The following MYO7B variants were observed in gnomAD, a reference collection of about 807,000 sequenced individuals.
MYO7B encodes myosin VIIB.
A neutral mutation model predicts 259.7 loss-of-function variants in MYO7B; 212 were observed. That is an observed-to-expected ratio of 0.82 (90% confidence interval 0.73 to 0.91). The LOEUF is 0.91. MYO7B is among the 40% of genes least tolerant of loss of function. MYO7B has a pLI of 0.00. For synonymous variants in MYO7B, 1,197 were observed against 1,166.4 expected (o/e 1.03, Z -0.54); for missense variants, 2,732 against 2,813.5 (o/e 0.97, Z 0.66).
chr2:127,599,811 C>T lies in MYO7B; in HGVS notation c.2339+3255C>T, dbSNP rs140914070. Reference sequence around the variant, plus strand: ...TTTAGCCTTTCAATGTGGTGAGTTACGTTTACTGATTTTTAAATATTGAAC... The same window carrying T: ...TTTAGCCTTTCAATGTGGTGAGTTATGTTTACTGATTTTTAAATATTGAAC... On this transcript the variant is annotated intron_variant, in intron 19 of 47. Transcript: ENST00000409816. 2.1e-4 allele frequency among the ~76,000 whole-genome samples: 32 copies of T among 152,200 alleles called. No homozygotes were observed. The East Asian group carries it at 5.4e-3, about 26-fold the overall frequency.
intron 1 of MYO7B, among the ~76,000 whole-genome samples, chr2:127,551,966 G>A (rs1229013402): frequency 6.6e-6 from 1 of 152,166 alleles, no homozygotes; most frequent in Non-Finnish European, 1.5e-5. Context: ...TCTGTAAGGG[G>A]GTGGAATACA....
intron 7 of MYO7B, among the ~76,000 whole-genome samples, chr2:127,575,336 G>T (rs982053140): frequency 1.4e-5 from 2 of 148,124 alleles, no homozygotes; most frequent in South Asian, 2.1e-4. Context: ...TCTTGATATA[G>T]TGGTTGCTGA....
At position 127,584,411 on chromosome 2, in the gene MYO7B, G is replaced by T. The variant is rs747194788; in HGVS notation, c.1554+79G>T. ...CTTGGAGGCTGGGAAACTCCATTTGGGTGGGCCACTTGTTCTGAGAGTCAC... is the reference window on the plus strand; with the variant it reads ...CTTGGAGGCTGGGAAACTCCATTTGTGTGGGCCACTTGTTCTGAGAGTCAC... On this transcript the variant is annotated intron_variant, in intron 13 of 47. Transcript: ENST00000409816. This position sits in a 1 kb window ranked among gnomAD's most constrained non-coding sequence, Gnocchi z 5.8. 2 of 1,462,830 alleles carry T rather than the reference G, an allele frequency of 1.4e-6. No individual in the cohort carries two copies. The highest frequency in any genetic ancestry group is 1.9e-6 in the Non-Finnish European group (2 of 1,059,160). The allele number at this position is 1,462,830 out of a possible 1,614,324, so 90.6% of individuals were successfully genotyped here.
At chr2:127,557,239 TC>T (rs1439744373) in intron 1 of MYO7B, among the ~76,000 whole-genome samples, 1 of 152,172 alleles carries the variant, frequency 6.6e-6, no homozygotes, top group Non-Finnish European at 1.5e-5. Context: ...GTCCCTTGTT[TC>T]CTGAAGTTGC....
intron 18 of MYO7B, among the ~76,000 whole-genome samples, chr2:127,594,178 T>C (rs1321036400): frequency 6.6e-6 from 1 of 152,182 alleles, no homozygotes; most frequent in Admixed American, 6.5e-5. Context: ...TCCCCCAAAA[T>C]GCACAGGGAG....
rs1413052750 is a variant in MYO7B at position 127,631,169 on chromosome 2, C to T, written c.4938-37C>T. ...CAGAGAAGCGTGGGACAGAGAAGGC[C>T]ACAGGGCAGGCCTCACACCAGCCTC... On this transcript the variant is annotated intron_variant, in intron 36 of 47. Coordinates refer to ENST00000409816, the MANE Select transcript of MYO7B (RefSeq NM_001393586.1). 4.5e-6 allele frequency: 7 copies of T among 1,552,106 alleles called. No homozygotes were observed. In the East Asian group the frequency reaches 9.2e-5, roughly 20 times the overall value.
intron 16 of MYO7B, 81 bp from the exon 17 acceptor site, chr2:127,592,713 T>C: frequency 6.6e-7 from 1 of 1,512,488 alleles, no homozygotes; most frequent in East Asian, 2.5e-5. Flanking sequence ...TGTGGGCCCG[T>C]GCCCGGTGGT....
chr2:127,622,760 C>T (rs1680902686), intron 28 of MYO7B, among the ~76,000 whole-genome samples: 1 of 152,242 alleles, frequency 6.6e-6, no homozygotes, highest in Non-Finnish European at 1.5e-5. Flanking sequence ...TGTAGGTGAA[C>T]TTGCAGTAGC....
rs535413180 is a variant in MYO7B at position 127,572,333 on chromosome 2, C to T, written c.593-1587C>T. 8.7e-5 allele frequency among the ~76,000 whole-genome samples: 13 copies of T among 149,914 alleles called. No individual in the cohort carries two copies. The East Asian group carries it at 2.0e-3, about 24-fold the overall frequency. ...ACTCGGGATGCTGTGGCAGGAGAAT[C>T]GCTTGAACGCAGGAGGCAAAGTTTG... On this transcript the variant is annotated intron_variant, in intron 6 of 47. Coordinates refer to ENST00000409816, the MANE Select transcript of MYO7B (RefSeq NM_001393586.1).
Position 127,633,241 on chromosome 2 carries a change from C to G in MYO7B, c.5406-17C>G. 6.3e-7 allele frequency: 1 copy of G among 1,593,458 alleles called. No individual in the cohort carries two copies. Among genetic ancestry groups the G allele is most frequent in the South Asian group, 1.1e-5 (1 of 88,406 alleles). ...GAGGGTGGGGGTGGCACCTGCAGCACACGCTGTCCCCCTCAGGACGGGGCC... is the reference window on the plus strand; with the variant it reads ...GAGGGTGGGGGTGGCACCTGCAGCAGACGCTGTCCCCCTCAGGACGGGGCC... On this transcript the variant is annotated splice_polypyrimidine_tract_variant and intron_variant, in intron 39 of 47. Transcript: ENST00000409816.
At chr2:127,592,567 C>T (rs750765838) in intron 16 of MYO7B, among the ~76,000 whole-genome samples, 1 of 150,396 alleles carries the variant, frequency 6.6e-6, no homozygotes, top group African/African-American at 2.5e-5. Context: ...TCCTTGACAA[C>T]ATTACGGGTT....
rs1680279063 is a variant in MYO7B at position 127,609,213 on chromosome 2, G to A, written c.2815-293G>A. Among the ~76,000 whole-genome samples, 1 of 152,050 alleles carries A rather than the reference G, an allele frequency of 6.6e-6. No individual in the cohort carries two copies. The highest frequency in any genetic ancestry group is 1.5e-5 in the Non-Finnish European group (1 of 67,986). On this transcript the variant is annotated intron_variant, in intron 22 of 47. Coordinates refer to ENST00000409816, the MANE Select transcript of MYO7B (RefSeq NM_001393586.1). This position sits in a 1 kb window ranked among gnomAD's most constrained non-coding sequence, Gnocchi z 6.9. ...GGCCGCTGCTCTGCAGTGTGGCTGA[G>A]GAAGCTGCAGTGAGGATGGTGCATG...
At position 127,584,618 on chromosome 2, in the gene MYO7B, A is replaced by G. The variant is rs1396590012; in HGVS notation, c.1555-160A>G. On this transcript the variant is annotated intron_variant, in intron 13 of 47. Coordinates refer to ENST00000409816, the MANE Select transcript of MYO7B (RefSeq NM_001393586.1). The surrounding 1 kb of genome is among the most constrained non-coding windows in gnomAD (Gnocchi z 5.8). The stretch of plus-strand genomic sequence containing the variant: ...TCCCAGCTCAGCCCTCACTCCCTGC[A>G]ACAAGTCACTGACCCCTGGGCATTA... Among the ~76,000 whole-genome samples, 2 of 151,998 alleles carry G rather than the reference A, an allele frequency of 1.3e-5. No homozygotes were observed. Among genetic ancestry groups the G allele is most frequent in the Admixed American group, 1.3e-4 (2 of 15,262 alleles).
chr2:127,621,924 G>A, intron 27 of MYO7B, 58 bp from the exon 28 acceptor site: 2 of 1,550,994 alleles, frequency 1.3e-6, no homozygotes, highest in South Asian at 1.2e-5. Context: ...TGGGTGGTGA[G>A]TAGAAACTGG....
chr2:127,633,000 G>A (rs777411506), intron 39 of MYO7B, among the ~76,000 whole-genome samples: 1 of 152,170 alleles, frequency 6.6e-6, no homozygotes, highest in Non-Finnish European at 1.5e-5. Flanking sequence ...TCCTGCCGGC[G>A]CCTTCCCGGG....
chr2:127,627,421 G>A lies in MYO7B; in HGVS notation c.4460+111G>A, dbSNP rs72843379. On this transcript the variant is annotated intron_variant, in intron 33 of 47. Transcript: ENST00000409816. The surrounding 1 kb of genome is among the most constrained non-coding windows in gnomAD (Gnocchi z 5.6). ...AGTGTGCCGTCCCGGGTAACAGGCC[G>A]GGGTGGAGGGACAAGAATCTACGTA... 60 of 1,432,370 alleles carry A rather than the reference G, an allele frequency of 4.2e-5. 1 individual carries two copies. The highest frequency in any genetic ancestry group is 2.8e-4 in the South Asian group (22 of 79,644). The allele number at this position is 1,432,370 out of a possible 1,614,324, so 88.7% of individuals were successfully genotyped here. A position where few individuals can be genotyped will look rare whatever the true frequency, so the allele number is the denominator to read the frequency against.
chr2:127,588,494 C>A lies in MYO7B; in HGVS notation c.1793C>A (p.Ala598Glu). Residue 598 changes from alanine to glutamate, a missense_variant, in exon 15 of 48, where the codon GCA becomes GAA. This residue lies in a region of MYO7B where 1,906 missense variants were observed against 2,026.4 expected (regional missense o/e 0.94). Coordinates refer to ENST00000409816, the MANE Select transcript of MYO7B (RefSeq NM_001393586.1). ...AGGGAGATATTCAACTTGGAGTTAG[C>A]AGAGACCAAGCTGGGCCATGGGACC... ...FLREIFNLEL[A>E]ETKLGHGTIR... 4 of 1,613,336 alleles carry A rather than the reference C, an allele frequency of 2.5e-6. No individual in the cohort carries two copies. The highest frequency in any genetic ancestry group is 3.4e-6 in the Non-Finnish European group (4 of 1,179,882).
intron 9 of MYO7B, 73 bp downstream of exon 9, chr2:127,578,359 T>G: frequency 2.5e-5 from 39 of 1,566,810 alleles, no homozygotes; most frequent in Non-Finnish European, 2.6e-5. Context: ...AAGGCATCTC[T>G]AGGGGTTCTC....
At chr2:127,598,352 T>C (rs569082591) in intron 19 of MYO7B, among the ~76,000 whole-genome samples, 2 of 152,374 alleles carry the variant, frequency 1.3e-5, no homozygotes, top group East Asian at 1.9e-4. Flanking sequence ...CATTTCCCGA[T>C]GTGGAACACC....
Sources: gnomAD v4.1 joint callset for allele counts (sites outside exome capture counted in the v4.1 genomes callset) on GRCh38, gnomAD v4.1.1 for gene constraint, gnomAD v4.1.1 regional missense constraint, Gnocchi (gnomAD v3.1) non-coding constraint, MANE v1.5 for transcripts, NCBI Gene and HGNC (gene_info 2026-07-23, HGNC 2026-07-21) for gene names.